Variants in ECT2L observed in about 807,000 individuals in gnomAD.
The protein encoded by ECT2L is epithelial cell transforming 2 like.
A neutral mutation model predicts 122.8 loss-of-function variants in ECT2L; 126 were observed. The ratio of observed to expected loss-of-function variants is 1.03; its 90% CI spans 0.89 to 1.19. The LOEUF (loss-of-function observed/expected upper bound fraction) is 1.19. Among genes scored for constraint, ECT2L ranks in the 50% most tolerant of loss-of-function variants. The pLI, the probability that ECT2L is intolerant of heterozygous loss-of-function variation, is 0.00. For missense variants in ECT2L, 1,012 were observed against 1,064.1 expected (o/e 0.95, Z 0.68); for synonymous variants, 385 against 381.8 (o/e 1.01, Z -0.10).
chr6:138,851,264 T>C (rs1363156027), intron 9 of ECT2L, among the ~76,000 whole-genome samples: 1 of 152,016 alleles, frequency 6.6e-6, no homozygotes, highest in Non-Finnish European at 1.5e-5. Flanking sequence ...TCATAGCTTA[T>C]TGTAGCCTTG....
intron 15 of ECT2L, among the ~76,000 whole-genome samples, chr6:138,881,692 A>G (rs1339150406): frequency 6.6e-6 from 1 of 151,910 alleles, no homozygotes; most frequent in Non-Finnish European, 1.5e-5. Flanking sequence ...TTAGATTCTC[A>G]TAAGGAGCAT....
At chr6:138,879,870 T>C (rs1473383048) in intron 14 of ECT2L, among the ~76,000 whole-genome samples, 6 of 152,250 alleles carry the variant, frequency 3.9e-5, no homozygotes, top group Non-Finnish European at 7.3e-5. Context: ...GGAGAATTGC[T>C]TGAACCCAGG....
intron 14 of ECT2L, among the ~76,000 whole-genome samples, chr6:138,877,633 T>C (rs1027067245): frequency 6.6e-6 from 1 of 152,194 alleles, no homozygotes; most frequent in African/African-American, 2.4e-5. Flanking sequence ...AGACAGACCA[T>C]GTGTTTGGAA....
intron 4 of ECT2L, among the ~76,000 whole-genome samples, chr6:138,837,037 G>A (rs145529634): frequency 1.3e-5 from 2 of 152,154 alleles, no homozygotes; most frequent in East Asian, 3.9e-4. Context: ...TGAGTTTATG[G>A]TGTGTTCATT....
rs1217929345 is a variant in ECT2L, at chr6:138,854,112, G to T, written c.1156G>T (p.Glu386Ter). 8.1e-6 allele frequency: 13 copies of T among 1,614,188 alleles called. No homozygotes were observed. The highest frequency in any genetic ancestry group is 1.1e-5 in the Non-Finnish European group (13 of 1,180,022). The change falls in exon 10 of 22, where the codon GAA (glutamate) becomes TAA (stop). Residue 386 changes from glutamate to a stop codon, truncating the protein, a stop_gained. Transcript: ENST00000541398. LOFTEE classifies it high-confidence loss of function. Reference protein sequence around the residue: ...KLGSYVATEEEGGHVDFFVPL... With the variant: ...KLGSYVATEE Reference sequence around the variant, plus strand: ...AGGAAGCTATGTGGCCACTGAAGAAGAAGGGGGTCACGTGGACTTCTTCGT... The same window carrying T: ...AGGAAGCTATGTGGCCACTGAAGAATAAGGGGGTCACGTGGACTTCTTCGT...
At chr6:138,863,585 G>C (rs1228764873) in intron 11 of ECT2L, among the ~76,000 whole-genome samples, 1 of 151,934 alleles carries the variant, frequency 6.6e-6, no homozygotes, top group African/African-American at 2.4e-5. Context: ...TATGAACGCT[G>C]TTGCTGGTAA....
chr6:138,892,651 G>A (rs1344962794), intron 20 of ECT2L, among the ~76,000 whole-genome samples: 6 of 152,018 alleles, frequency 3.9e-5, no homozygotes, highest in South Asian at 2.1e-4. Context: ...GTGCCACCAC[G>A]TCTGGCTAAT....
At chr6:138,858,183 A>T (rs1247854004) in intron 10 of ECT2L, among the ~76,000 whole-genome samples, 2 of 152,086 alleles carry the variant, frequency 1.3e-5, no homozygotes, top group African/African-American at 2.4e-5. Context: ...TATGCTGAGG[A>T]CCCCAAATTT....
intron 4 of ECT2L, chr6:138,823,181 C>T: frequency 7.0e-7 from 1 of 1,436,274 alleles, no homozygotes; most frequent in Non-Finnish European, 9.5e-7. Flanking sequence ...CTAATGTCCC[C>T]AGCCAATCAG....
intron 12 of ECT2L, among the ~76,000 whole-genome samples, chr6:138,867,041 T>A (rs1778065925): frequency 6.6e-6 from 1 of 151,396 alleles, no homozygotes; most frequent in Non-Finnish European, 1.5e-5. Context: ...GTCACTGCAC[T>A]CCAGCCTGGG....
rs1024101412 is a variant in ECT2L, at chr6:138,813,296, T to C, written c.22T>C (p.Phe8Leu). The change falls in exon 3 of 22, where the codon TTT (phenylalanine) becomes CTT (leucine). Residue 8 changes from phenylalanine to leucine, a missense_variant. Coordinates refer to ENST00000541398, the MANE Select transcript of ECT2L (RefSeq NM_001077706.3). ...AGAAATGGAGAGCTTCCACACCAGA[T>C]TTAGTGCCTGGACACCTTTTAGCAA... MESFHTRFSAWTPFSNKS... is the reference protein window; with the variant it reads MESFHTRLSAWTPFSNKS... The C allele has an allele frequency of 4.3e-6, 7 of 1,612,538 alleles. No individual in the cohort carries two copies. The highest frequency in any genetic ancestry group is 1.6e-4 in the Middle Eastern group (1 of 6,076).
chr6:138,833,562 T>A (rs1007645914), intron 4 of ECT2L, among the ~76,000 whole-genome samples: 1 of 152,006 alleles, frequency 6.6e-6, no homozygotes, highest in Non-Finnish European at 1.5e-5. Context: ...TTGGCCCCAT[T>A]AAAACATGCA....
chr6:138,830,446 G>A (rs1776609192), intron 4 of ECT2L, among the ~76,000 whole-genome samples: 1 of 152,132 alleles, frequency 6.6e-6, no homozygotes, highest in Admixed American at 6.5e-5. Flanking sequence ...TGCAAAAAGG[G>A]ATGTCAAAAA....
Position 138,814,540 on chromosome 6 carries a change from C to A in ECT2L, c.116C>A (p.Thr39Asn). Residue 39 changes from threonine (T) to asparagine (N), a missense_variant, in exon 4 of 22, where the codon ACT becomes AAT. Thr to Asn is a moderately conservative substitution (Grantham distance 65). Coordinates refer to ENST00000541398, the MANE Select transcript of ECT2L (RefSeq NM_001077706.3). ...ATAAGTCATTGGTTTGACCTCTGGACTAACAAGCAACGTCAAGAATTCTTA... is the reference window on the plus strand; with the variant it reads ...ATAAGTCATTGGTTTGACCTCTGGAATAACAAGCAACGTCAAGAATTCTTA... ...ALISHWFDLW[T>N]NKQRQEFLFA... The A allele has an allele frequency of 6.2e-7, 1 of 1,612,670 alleles. No homozygotes were observed. The highest frequency in any genetic ancestry group is 2.2e-5 in the East Asian group (1 of 44,852).
chr6:138,821,047 C>T (rs1466236263), intron 4 of ECT2L, among the ~76,000 whole-genome samples: 3 of 152,184 alleles, frequency 2.0e-5, no homozygotes, highest in South Asian at 4.1e-4. Context: ...CAGACACAGG[C>T]GTGGGTGACC....
intron 13 of ECT2L, among the ~76,000 whole-genome samples, chr6:138,870,036 A>G (rs539006439): frequency 2.0e-5 from 3 of 152,332 alleles, no homozygotes; most frequent in Non-Finnish European, 4.4e-5. Flanking sequence ...ATTGAGCACT[A>G]GTCACTCTGT....
intron 19 of ECT2L, among the ~76,000 whole-genome samples, chr6:138,887,800 T>C (rs1474709690): frequency 6.6e-6 from 1 of 152,248 alleles, no homozygotes; most frequent in East Asian, 1.9e-4. Context: ...CTTTCCTATT[T>C]CACTGGATAA....
chr6:138,827,604 T>G (rs1302410609), intron 4 of ECT2L, among the ~76,000 whole-genome samples: 7 of 152,142 alleles, frequency 4.6e-5, no homozygotes, highest in Non-Finnish European at 1.0e-4. Context: ...TTCCCCGGGC[T>G]GGAGTGCAGC....
Position 138,813,264 on chromosome 6 carries a change from G to T in ECT2L, c.-11G>T. On this transcript the variant is annotated 5_prime_UTR_variant, in exon 3 of 22. Coordinates refer to ENST00000541398, the MANE Select transcript of ECT2L (RefSeq NM_001077706.3). ...ACGTCAGCTGGGGATTCTTCCTGGAGAACTCCAGAAATGGAGAGCTTCCAC... is the reference window on the plus strand; with the variant it reads ...ACGTCAGCTGGGGATTCTTCCTGGATAACTCCAGAAATGGAGAGCTTCCAC... 6.2e-7 allele frequency: 1 copy of T among 1,605,184 alleles called. No homozygotes were observed. The highest frequency in any genetic ancestry group is 2.2e-5 in the East Asian group (1 of 44,784).
Sources: gnomAD v4.1 joint callset for allele counts (sites outside exome capture counted in the v4.1 genomes callset) on GRCh38, gnomAD v4.1.1 for gene constraint, MANE v1.5 for transcripts, NCBI Gene and HGNC (gene_info 2026-07-23, HGNC 2026-07-21) for gene names.